The following PRKN variants were observed in gnomAD, a reference collection of about 807,000 sequenced individuals.
PRKN encodes the protein parkin RBR E3 ubiquitin protein ligase.
A neutral mutation model predicts 59.5 loss-of-function variants in PRKN; 56 were observed. That is an observed-to-expected ratio of 0.94 (90% CI 0.76 to 1.18). The LOEUF is 1.18. Ranked by LOEUF, PRKN falls within the 50% of genes most tolerant of loss-of-function variation. PRKN has a pLI of 0.00. For missense variants in PRKN, 657 were observed against 596.4 expected, an observed-to-expected ratio of 1.10 and a Z score of -1.06; for synonymous variants, 250 against 222.1, an observed-to-expected ratio of 1.13 and a Z score of -1.12.
At chr6:162,339,581 G>A (rs1242846775) in intron 2 of PRKN, among the ~76,000 whole-genome samples, 18 of 149,182 alleles carry the variant, frequency 1.2e-4, no homozygotes, top group South Asian at 6.4e-4. Flanking sequence ...CTGCCCGGCC[G>A]CCCCTACTGG....
chr6:162,586,185 A>G (rs763916464), intron 1 of PRKN, among the ~76,000 whole-genome samples: 11 of 152,304 alleles, frequency 7.2e-5, no homozygotes, highest in East Asian at 1.9e-4. Flanking sequence ...AAAGTTGTAT[A>G]TAAGTTCAGT....
At chr6:161,801,206 T>C (rs1296373385) in intron 6 of PRKN, among the ~76,000 whole-genome samples, 1 of 152,204 alleles carries the variant, frequency 6.6e-6, no homozygotes, top group Non-Finnish European at 1.5e-5. Flanking sequence ...CAATTCCGCA[T>C]GCCAGGGCCC....
chr6:162,233,022 T>C (rs1362787782), intron 3 of PRKN, among the ~76,000 whole-genome samples: 1 of 152,162 alleles, frequency 6.6e-6, no homozygotes, highest in Non-Finnish European at 1.5e-5. Context: ...AATATCACCA[T>C]GAGCACTAAT....
At chr6:162,311,609 A>G (rs889213109) in intron 2 of PRKN, among the ~76,000 whole-genome samples, 1 of 151,288 alleles carries the variant, frequency 6.6e-6, no homozygotes, top group Admixed American at 6.6e-5. Flanking sequence ...CAGCCTCCCA[A>G]ATAGCTGGGA....
chr6:162,213,871 A>G (rs1169156819), intron 3 of PRKN, among the ~76,000 whole-genome samples: 1 of 147,638 alleles, frequency 6.8e-6, no homozygotes, highest in Non-Finnish European at 1.5e-5. Context: ...ATGAATAGTA[A>G]GAAGTAATAG....
rs905553524 is a variant in PRKN at position 161,444,395 on chromosome 6, T to C, written c.1084-57518A>G. Among the ~76,000 whole-genome samples the C allele has an allele frequency of 6.6e-6, 1 of 152,192 alleles. No homozygotes were observed. The highest frequency in any genetic ancestry group is 1.5e-5 in the Non-Finnish European group (1 of 68,032). On this transcript the variant is annotated intron_variant, in intron 9 of 11. Coordinates refer to ENST00000366898, the MANE Select transcript of PRKN (RefSeq NM_004562.3). This position sits in a 1 kb window ranked among gnomAD's most constrained non-coding sequence, Gnocchi z 5.6. ...CATCCCCACCACCTTCCTCCAGGAA[T>C]GTGTATGTCTGTGTGAAGTCCTCAA...
chr6:161,677,173 T>G (rs995801480), intron 7 of PRKN, among the ~76,000 whole-genome samples: 2 of 152,196 alleles, frequency 1.3e-5, no homozygotes, highest in East Asian at 3.9e-4. Flanking sequence ...AGGTGAGTTA[T>G]CCAGGAAACA....
rs141006451 is a variant in PRKN at position 162,343,910 on chromosome 6, G to T, written c.172-81145C>A. ...ATACTTTTGTAGAGATTTCACCCAT[G>T]AGCAATAGAAAAAAAGGAAAGTTAT... On this transcript the variant is annotated intron_variant, in intron 2 of 11. Transcript: ENST00000366898. Among the ~76,000 whole-genome samples, 959 of 152,176 alleles carry T rather than the reference G, an allele frequency of 6.3e-3. 6 individuals are homozygous for T. Among genetic ancestry groups the T allele is most frequent in the African/African-American group, 0.022 (913 of 41,516 alleles).
chr6:161,571,542 A>G (rs1023651050), intron 7 of PRKN, among the ~76,000 whole-genome samples: 1 of 152,216 alleles, frequency 6.6e-6, no homozygotes, highest in African/African-American at 2.4e-5. Flanking sequence ...TGTTTCAGAG[A>G]GTAGGATTTA....
intron 1 of PRKN, among the ~76,000 whole-genome samples, chr6:162,454,644 A>G (rs1024156150): frequency 4.6e-5 from 7 of 152,212 alleles, no homozygotes; most frequent in African/African-American, 1.7e-4. Context: ...GGACGTGCCA[A>G]TGGAAAGTTC....
intron 1 of PRKN, among the ~76,000 whole-genome samples, chr6:162,475,584 AGT>A (rs796186480): frequency 2.1e-4 from 22 of 103,244 alleles, no homozygotes; most frequent in Admixed American, 3.7e-4. Flanking sequence ...TGTGTGCATG[AGT>A]GTGTGTGTGT....
At chr6:162,481,939 T>G (rs1241493645) in intron 1 of PRKN, among the ~76,000 whole-genome samples, 1 of 152,172 alleles carries the variant, frequency 6.6e-6, no homozygotes, top group Admixed American at 6.5e-5. Flanking sequence ...AACATTTATT[T>G]CAAACTGAAA....
intron 9 of PRKN, among the ~76,000 whole-genome samples, chr6:161,516,946 T>C (rs929287389): frequency 1.3e-5 from 2 of 152,132 alleles, no homozygotes; most frequent in Admixed American, 6.6e-5. Flanking sequence ...TTGTTTCTCA[T>C]TGTATGCATC....
rs1785482242 is a variant in PRKN, at chr6:161,372,563, T to C, written c.1168-12358A>G. Among the ~76,000 whole-genome samples, 1 of 152,128 alleles carries C rather than the reference T, an allele frequency of 6.6e-6. No individual in the cohort carries two copies. Among genetic ancestry groups the C allele is most frequent in the African/African-American group, 2.4e-5 (1 of 41,416 alleles). On this transcript the variant is annotated intron_variant, in intron 10 of 11. Transcript: ENST00000366898. This position sits in a 1 kb window ranked among gnomAD's most constrained non-coding sequence, Gnocchi z 4.2. ...CCCAGTAAACAAGAGAGATGACAAA[T>C]AGCAAGCCAACAATCCCTGCCTTGT...
chr6:161,916,175 G>A lies in PRKN; in HGVS notation c.734+57127C>T, dbSNP rs1007845519. Among the ~76,000 whole-genome samples the A allele has an allele frequency of 1.2e-4, 18 of 152,256 alleles. 1 individual carries two copies. The South Asian group carries it at 2.9e-3, about 25-fold the overall frequency. On this transcript the variant is annotated intron_variant, in intron 6 of 11. Transcript: ENST00000366898. ...GGACAAGAAATTGTTAAGAAGAAAA[G>A]TAATTTCCACTTTGGTATTTCTGGC...
intron 5 of PRKN, among the ~76,000 whole-genome samples, chr6:162,030,355 G>A (rs1454628492): frequency 3.9e-5 from 6 of 152,134 alleles, no homozygotes; most frequent in African/African-American, 9.7e-5. Flanking sequence ...AATGTAAAAC[G>A]GCCCCAGTTA....
chr6:161,897,961 C>A (rs1283652270), intron 6 of PRKN, among the ~76,000 whole-genome samples: 1 of 11,080 alleles, frequency 9.0e-5, no homozygotes, highest in Non-Finnish European at 1.5e-4. Context: ...AGCGAGACTC[C>A]GTCTCAAAAA....
chr6:162,502,112 G>A (rs1000544457), intron 1 of PRKN, among the ~76,000 whole-genome samples: 7 of 152,092 alleles, frequency 4.6e-5, no homozygotes, highest in African/African-American at 7.2e-5. Flanking sequence ...CTCAAATTAA[G>A]CAAACATCAT....
At chr6:161,629,042 C>T (rs1295237432) in intron 7 of PRKN, among the ~76,000 whole-genome samples, 1 of 152,152 alleles carries the variant, frequency 6.6e-6, no homozygotes, top group African/African-American at 2.4e-5. Context: ...AGCTGGAAGA[C>T]ACTAGGCACT....
Sources: allele counts gnomAD v4.1 joint callset (sites outside exome capture counted in the v4.1 genomes callset), GRCh38; gene constraint gnomAD v4.1.1; non-coding constraint Gnocchi (gnomAD v3.1); transcripts MANE v1.5; gene names NCBI Gene and HGNC (gene_info 2026-07-23, HGNC 2026-07-21).